The following NKX2-2 variants were observed in gnomAD, a reference collection of about 807,000 sequenced individuals.
NKX2-2 encodes homeobox protein Nkx-2.2.
Under a neutral mutation model 24.6 loss-of-function variants are expected in NKX2-2, and 8 were observed. That is an observed-to-expected ratio of 0.32 (90% confidence interval 0.19 to 0.59). The LOEUF is 0.59. Among genes scored for constraint, NKX2-2 ranks in the 20% least tolerant of loss-of-function variants. NKX2-2 has a pLI of 0.86. For synonymous variants in NKX2-2, 217 were observed against 173.3 expected (o/e 1.25, Z -1.98); for missense variants, 381 against 373.9 (o/e 1.02, Z -0.16).
At chr20:21,512,990 A>G (rs1481139608) in intron 1 of NKX2-2, among the ~76,000 whole-genome samples, 1 of 152,066 alleles carries the variant, frequency 6.6e-6, no homozygotes, top group East Asian at 1.9e-4. Context: ...TGAGCTATTT[A>G]TACCCGGGCC....
upstream of NKX2-2, among the ~76,000 whole-genome samples, chr20:21,514,290 T>C (rs1224705223): frequency 6.6e-6 from 1 of 152,016 alleles, no homozygotes; most frequent in African/African-American, 2.4e-5. Context: ...AAGACAGTAT[T>C]TGCAGATGTG....
upstream of NKX2-2, among the ~76,000 whole-genome samples, chr20:21,516,584 T>C (rs191885559): frequency 3.5e-4 from 53 of 152,124 alleles, 1 homozygote; most frequent in Admixed American, 3.9e-4. Flanking sequence ...AGCTGCTAAA[T>C]AAATAACTGG....
At chr20:21,521,298 G>C in the NKX2-2 span, among the ~76,000 whole-genome samples, 145 of 152,272 alleles carry the variant, frequency 9.5e-4, no homozygotes, top group Non-Finnish European at 1.4e-3. Flanking sequence ...TAGTGTGTGC[G>C]TGTGTGTTGT....
At position 21,511,972 on chromosome 20, in the gene NKX2-2, T is replaced by C; in HGVS notation, c.773A>G (p.Gln258Arg). 1 of 1,610,380 alleles carries C rather than the reference T, an allele frequency of 6.2e-7. No homozygotes were observed. The change falls in exon 2 of 2, where the codon CAG (glutamine) becomes CGG (arginine). Residue 258 changes from glutamine to arginine, a missense_variant. Physicochemically the swap from Gln to Arg is conservative, Grantham distance 43 (BLOSUM62 1). This residue lies in a region of NKX2-2 where 139 missense variants were observed against 121.7 expected (regional missense o/e 1.14). Coordinates refer to ENST00000377142, the MANE Select transcript of NKX2-2 (RefSeq NM_002509.4). ...NAQYSSASTPQYPTAHPLVQA... is the reference protein window; with the variant it reads ...NAQYSSASTPRYPTAHPLVQA... ...GACCAGGGGGTGTGCTGTCGGGTAC[T>C]GGGGGGTGCTGGCCGAGCTGTACTG... is the stretch of plus-strand genomic sequence containing the variant.
chr20:21,519,322 G>C, the NKX2-2 span, among the ~76,000 whole-genome samples: 19 of 152,300 alleles, frequency 1.2e-4, no homozygotes, highest in East Asian at 3.7e-3. Flanking sequence ...AAGTGGATTA[G>C]TTTATTGTCT....
At chr20:21,519,881 G>C in the NKX2-2 span, among the ~76,000 whole-genome samples, 1 of 152,194 alleles carries the variant, frequency 6.6e-6, no homozygotes, top group East Asian at 1.9e-4. Context: ...GGAGAGGCCA[G>C]ACCGTGCCCG....
the NKX2-2 span, among the ~76,000 whole-genome samples, chr20:21,520,856 C>T: frequency 6.6e-6 from 1 of 152,194 alleles, no homozygotes; most frequent in African/African-American, 2.4e-5. Flanking sequence ...CGACCTTCCC[C>T]GGATGAGGGC....
In NKX2-2 at chr20:21,511,851, G is replaced by A. The variant is rs1980441530; in HGVS notation, c.*72C>T. The A allele has an allele frequency of 8.6e-7, 1 of 1,157,756 alleles. No individual in the cohort carries two copies. Among genetic ancestry groups the A allele is most frequent in the Non-Finnish European group, 1.2e-6 (1 of 822,986 alleles). 71.7% of individuals were successfully genotyped at this position (1,157,756 alleles called of 1,614,324 possible). A position where few individuals can be genotyped will look rare whatever the true frequency, so the allele number is the denominator to read the frequency against. On this transcript the variant is annotated 3_prime_UTR_variant, in exon 2 of 2. Transcript: ENST00000377142. ...AATAATAATAACCACCATAAGGACC[G>A]AGGCCTCCTCGCCGCCACCGCCGCC...
chr20:21,512,153 G>T lies in NKX2-2; in HGVS notation c.592C>A (p.Pro198Thr). 1 of 1,613,812 alleles carries T rather than the reference G, an allele frequency of 6.2e-7. No individual in the cohort carries two copies. Among genetic ancestry groups the T allele is most frequent in the Non-Finnish European group, 8.5e-7 (1 of 1,179,916 alleles). ...AEKGMEVTPL[P>T]SPRRVAVPVL... ...GGCACGGCCACCCGGCGCGGCGAGG[G>T]CAGGGGCGTCACCTCCATACCTTTC... The change falls in exon 2 of 2, where the codon CCC becomes ACC. Residue 198 changes from proline (P) to threonine (T), a missense_variant. This residue lies in a region of NKX2-2 where 139 missense variants were observed against 121.7 expected (regional missense o/e 1.14). Transcript: ENST00000377142.
chr20:21,511,599 A>C lies in NKX2-2; in HGVS notation c.*324T>G. ...CTTTTTCTCGTTTTCAAGTGACGAC[A>C]TTAACGCTGGGACGGTTTGGTCCCC... On this transcript the variant is annotated 3_prime_UTR_variant, in exon 2 of 2. Coordinates refer to ENST00000377142, the MANE Select transcript of NKX2-2 (RefSeq NM_002509.4). 1 of 245,610 alleles carries C rather than the reference A, an allele frequency of 4.1e-6. No individual in the cohort carries two copies. Among genetic ancestry groups the C allele is most frequent in the Non-Finnish European group, 7.7e-6 (1 of 130,020 alleles). The allele number at this position is 245,610 out of a possible 1,614,324, so 15.2% of individuals were successfully genotyped here.
the NKX2-2 span, among the ~76,000 whole-genome samples, chr20:21,520,213 G>A: frequency 2.6e-5 from 4 of 152,006 alleles, no homozygotes; most frequent in African/African-American, 7.2e-5. Flanking sequence ...GAACCCCATT[G>A]ATGCCACGGA....
Position 21,513,570 on chromosome 20 carries a change from C to T in NKX2-2, c.100G>A (p.Glu34Lys), listed in dbSNP as rs1345166807. 2 of 1,613,668 alleles carry T rather than the reference C, an allele frequency of 1.2e-6. No homozygotes were observed. Among genetic ancestry groups the T allele is most frequent in the Non-Finnish European group, 8.5e-7 (1 of 1,179,810 alleles). Residue 34 changes from glutamate (E) to lysine (K), a missense_variant, in exon 1 of 2, where the codon GAA becomes AAA. Coordinates refer to ENST00000377142, the MANE Select transcript of NKX2-2 (RefSeq NM_002509.4). The surrounding 1 kb of genome is among the most constrained non-coding windows in gnomAD (Gnocchi z 4.6). Reference sequence around the variant, plus strand: ...GCTGGCTCGGGCCCCTCGTTCTCTTCCTCCGGACCTTCGGCCACAGAGCCC... The same window carrying T: ...GCTGGCTCGGGCCCCTCGTTCTCTTTCTCCGGACCTTCGGCCACAGAGCCC... ...EEGSVAEGPE[E>K]ENEGPEPAKR...
upstream of NKX2-2, among the ~76,000 whole-genome samples, chr20:21,515,574 CCTT>C (rs1019389917): frequency 4.7e-5 from 7 of 150,370 alleles, no homozygotes; most frequent in African/African-American, 7.4e-5. Flanking sequence ...ATTTGCCACC[CCTT>C]CTTCTAGTTA....
chr20:21,516,884 G>C (rs1388440033), upstream of NKX2-2, among the ~76,000 whole-genome samples: 1 of 152,166 alleles, frequency 6.6e-6, no homozygotes, highest in African/African-American at 2.4e-5. Context: ...GAACCACCTC[G>C]CTGAAGTTCC....
rs1980415576 is a variant in NKX2-2 at position 21,511,255 on chromosome 20, A to ACAAAAACAAAAAACAAAAG, written c.*667_*668insCTTTTGTTTTTTGTTTTTG. 1.3e-5 allele frequency: 2 copies of ACAAAAACAAAAAACAAAAG among 152,550 alleles called. No individual in the cohort carries two copies. The highest frequency in any genetic ancestry group is 1.3e-4 in the Admixed American group (2 of 15,278). 9.4% of individuals were successfully genotyped at this position (152,550 alleles called of 1,614,324 possible). Reference sequence around the variant, plus strand: ...GAAGAAAGCAGGGGAAAACGCAAAAACAAAAACAAAACAAAAAACAAACCC... The same window carrying ACAAAAACAAAAAACAAAAG: ...GAAGAAAGCAGGGGAAAACGCAAAAACAAAAACAAAAAACAAAAGCAAAAACAAAACAAAAAACAAACCC... On this transcript the variant is annotated 3_prime_UTR_variant, in exon 2 of 2. Coordinates refer to ENST00000377142, the MANE Select transcript of NKX2-2 (RefSeq NM_002509.4).
Position 21,513,753 on chromosome 20 carries a change from G to C in NKX2-2, c.-84C>G. 3 of 1,130,774 alleles carry C rather than the reference G, an allele frequency of 2.7e-6. No individual in the cohort carries two copies. Among genetic ancestry groups the C allele is most frequent in the Non-Finnish European group, 3.6e-6 (3 of 840,082 alleles). The allele number at this position is 1,130,774 out of a possible 1,614,324, so 70.0% of individuals were successfully genotyped here. A position where few individuals can be genotyped will look rare whatever the true frequency, so the allele number is the denominator to read the frequency against. ...CGCTCCCCTGCCCCGGCGGGCGGGGGAGGGGGGAGTTGGGGGGAGGGACTG... is the reference window on the plus strand; with the variant it reads ...CGCTCCCCTGCCCCGGCGGGCGGGGCAGGGGGGAGTTGGGGGGAGGGACTG... On this transcript the variant is annotated 5_prime_UTR_variant, in exon 1 of 2. Transcript: ENST00000377142. This position sits in a 1 kb window ranked among gnomAD's most constrained non-coding sequence, Gnocchi z 4.6.
chr20:21,518,095 T>A (rs1196574079), upstream of NKX2-2, among the ~76,000 whole-genome samples: 1 of 152,244 alleles, frequency 6.6e-6, no homozygotes, highest in Admixed American at 6.5e-5. Flanking sequence ...TGCCGTGGTC[T>A]GGAGACCTCG....
chr20:21,515,597 T>G (rs957387117), upstream of NKX2-2, among the ~76,000 whole-genome samples: 188 of 111,460 alleles, frequency 1.7e-3, no homozygotes, highest in Non-Finnish European at 2.0e-3. Context: ...AAAACTTTTT[T>G]GGGGGGGGGG....
At chr20:21,521,936 G>T in the NKX2-2 span, among the ~76,000 whole-genome samples, 1 of 152,160 alleles carries the variant, frequency 6.6e-6, no homozygotes, top group Admixed American at 6.5e-5. Flanking sequence ...CCTACCAGGC[G>T]GGGCTCAGGG....
Sources: gnomAD v4.1 joint callset for allele counts (sites outside exome capture counted in the v4.1 genomes callset) on GRCh38, gnomAD v4.1.1 for gene constraint, gnomAD v4.1.1 regional missense constraint, Gnocchi (gnomAD v3.1) non-coding constraint, MANE v1.5 for transcripts, NCBI Gene and HGNC (gene_info 2026-07-23, HGNC 2026-07-21) for gene names.